KRT6C: variants seen among roughly 807,000 people sequenced by gnomAD.
KRT6C encodes the protein keratin 6C, also known as keratin, type II cytoskeletal 6C.
KRT6C carries 46 observed loss-of-function variants against 49.4 expected under a neutral mutation model. That is an observed-to-expected ratio of 0.93 (90% CI 0.74 to 1.19). The LOEUF (loss-of-function observed/expected upper bound fraction) is 1.19. KRT6C is among the 50% of genes most tolerant of loss of function. The probability of loss-of-function intolerance (pLI) is 0.00; values close to 1 mark genes in which losing one functional copy is unlikely to be tolerated. For missense variants in KRT6C, 552 were observed against 737.5 expected (o/e 0.75, Z 2.91); for synonymous variants, 236 against 297.1 (o/e 0.79, Z 2.12).
Position 52,471,503 on chromosome 12 carries a change from G to A in KRT6C, c.830C>T (p.Ala277Val). ...FVTLKKDVDAAYMNKVELQAK... is the reference protein window; with the variant it reads ...FVTLKKDVDAVYMNKVELQAK... ...TTGCAGTTCAACCTTGTTCATGTAGGCAGCATCCACATCCTGGGGAAAGAG... is the reference window on the plus strand; with the variant it reads ...TTGCAGTTCAACCTTGTTCATGTAGACAGCATCCACATCCTGGGGAAAGAG... Residue 277 changes from alanine (A) to valine (V), a missense_variant, in exon 4 of 9, where the codon GCC (alanine) becomes GTC (valine). Physicochemically the swap from Ala to Val is moderately conservative, Grantham distance 64 (BLOSUM62 0). Coordinates refer to ENST00000252250, the MANE Select transcript of KRT6C (RefSeq NM_173086.5). 7 of 1,613,478 alleles carry A rather than the reference G, an allele frequency of 4.3e-6. 1 individual carries two copies. In the South Asian group the frequency reaches 7.7e-5, roughly 18 times the overall value.
In KRT6C at chr12:52,470,639, C is replaced by G. The variant is rs1170412822; in HGVS notation, c.1078-9G>C. On this transcript the variant is annotated splice_polypyrimidine_tract_variant and intron_variant, in intron 5 of 8. Transcript: ENST00000252250. ...ACCTGCAGCTCCTCGTACTGCAGCC[C>G]AGAGGTGGAGAGAGAGACAGTGTCT... 1.6e-5 allele frequency: 26 copies of G among 1,613,730 alleles called. No individual in the cohort carries two copies. Among genetic ancestry groups the G allele is most frequent in the Non-Finnish European group, 1.8e-5 (21 of 1,179,954 alleles).
intron 6 of KRT6C, 79 bp downstream of exon 6, chr12:52,470,426 A>G (rs1290019699): frequency 1.2e-6 from 2 of 1,611,740 alleles, no homozygotes; most frequent in African/African-American, 2.7e-5. Flanking sequence ...TTCAGGAATT[A>G]TATCAAATAA....
chr12:52,471,920 C>A, intron 2 of KRT6C, 146 bp downstream of exon 2: 2 of 1,115,512 alleles, frequency 1.8e-6, no homozygotes, highest in Admixed American at 4.0e-5. Context: ...CCTCCCATAA[C>A]CATCTGTGGT....
intron 1 of KRT6C, 69 bp downstream of exon 1, chr12:52,473,129 G>A: frequency 7.2e-7 from 1 of 1,385,634 alleles, no homozygotes; most frequent in South Asian, 1.2e-5. Context: ...GGTCTCCCTA[G>A]CAGGAAGGTG....
In KRT6C at chr12:52,471,670, A is replaced by C. The variant is rs772948251; in HGVS notation, c.816+2T>G. 2.5e-6 allele frequency: 4 copies of C among 1,612,524 alleles called. No homozygotes were observed. The highest frequency in any genetic ancestry group is 2.5e-6 in the Non-Finnish European group (3 of 1,179,538). ...TTTGAACCCCCGGCTTCATCTGCTCACCTTCTTCAGAGTCACAAATTCATT... is the reference window on the plus strand; with the variant it reads ...TTTGAACCCCCGGCTTCATCTGCTCCCCTTCTTCAGAGTCACAAATTCATT... On this transcript the variant is annotated splice_donor_variant, in intron 3 of 8. Coordinates refer to ENST00000252250, the MANE Select transcript of KRT6C (RefSeq NM_173086.5). LOFTEE classifies it high-confidence loss of function.
intron 6 of KRT6C, 77 bp downstream of exon 6, chr12:52,470,428 A>G (rs1937854825): frequency 1.2e-6 from 2 of 1,612,336 alleles, no homozygotes; most frequent in African/African-American, 1.3e-5. Flanking sequence ...CAGGAATTAT[A>G]TCAAATAATG....
Position 52,470,517 on chromosome 12 carries a change from A to G in KRT6C, c.1191T>C (p.His397=), listed in dbSNP as rs11540290. 244 of 1,614,038 alleles carry G rather than the reference A, an allele frequency of 1.5e-4. 1 individual carries two copies. Among genetic ancestry groups the G allele is most frequent in the African/African-American group, 3.7e-4 (28 of 74,992 alleles). Reference sequence around the variant, plus strand: ...CACCTCACTGTACCTGCTTCTTGACATGGTCGATCTCAGATCTCAGCCTCT... The same window carrying G: ...CACCTCACTGTACCTGCTTCTTGACGTGGTCGATCTCAGATCTCAGCCTCT... The part of the protein sequence containing the change: ...MIQRLRSEID[H]VKKQCASLQA... Residue 397 remains histidine (H), a synonymous_variant, in exon 6 of 9, where the codon CAT becomes CAC. Transcript: ENST00000252250.
In KRT6C at chr12:52,473,764, C is replaced by T. The variant is rs377008775; in HGVS notation, c.-27G>A. ...GTTCCAGGAGATGAGAGGGCTGTGG[C>T]GAGCGTTGGAGGCTGGAGGCGAGAG... is the stretch of plus-strand genomic sequence containing the variant. On this transcript the variant is annotated 5_prime_UTR_variant, in exon 1 of 9. Coordinates refer to ENST00000252250, the MANE Select transcript of KRT6C (RefSeq NM_173086.5). 179 of 1,614,044 alleles carry T rather than the reference C, an allele frequency of 1.1e-4. 4 individuals are homozygous for T. In the South Asian group the frequency reaches 1.7e-3, roughly 15 times the overall value.
rs1203406741 is a variant in KRT6C, at chr12:52,471,530, C to T, written c.817-14G>A. 1.2e-6 allele frequency: 2 copies of T among 1,613,056 alleles called. No individual in the cohort carries two copies. Among genetic ancestry groups the T allele is most frequent in the East Asian group, 4.5e-5 (2 of 44,830 alleles). On this transcript the variant is annotated splice_polypyrimidine_tract_variant and intron_variant, in intron 3 of 8. Transcript: ENST00000252250. ...AGCATCCACATCCTGGGGAAAGAGC[C>T]AACAACCTGGAGTTACCTGAGCTCA...
In KRT6C at chr12:52,470,907, G is replaced by A. The variant is rs141429773; in HGVS notation, c.1077+225C>T. Among the ~76,000 whole-genome samples the A allele has an allele frequency of 3.6e-3, 553 of 152,246 alleles. 2 individuals carry two copies. The highest frequency in any genetic ancestry group is 0.012 in the African/African-American group (503 of 41,542). ...CAATCAGGGTGAAGATAAATGCAGA[G>A]ATGACTATGTCCTTGTCTATGGCAG... is the stretch of plus-strand genomic sequence containing the variant. On this transcript the variant is annotated intron_variant, in intron 5 of 8. Transcript: ENST00000252250.
chr12:52,469,544 T>A, intron 7 of KRT6C, 99 bp from the exon 8 acceptor site: 1 of 1,612,666 alleles, frequency 6.2e-7, no homozygotes, highest in Admixed American at 1.7e-5. Context: ...CATGGGAAAC[T>A]GCTCTTTTAG....
intron 6 of KRT6C, 183 bp downstream of exon 6, chr12:52,470,322 G>C: frequency 9.2e-7 from 1 of 1,086,684 alleles, no homozygotes; most frequent in South Asian, 1.4e-5. Context: ...TTGTGCCTCA[G>C]AGGCTCATCC....
At chr12:52,469,946 G>T in intron 6 of KRT6C, 56 bp from the exon 7 acceptor site, 1 of 1,600,930 alleles carries the variant, frequency 6.2e-7, no homozygotes, top group Admixed American at 1.7e-5. Flanking sequence ...GAGGAGGCTG[G>T]CCCTTGTTTA....
In KRT6C at chr12:52,469,131, A is replaced by G; in HGVS notation, c.1626T>C (p.Val542=). Residue 542 remains valine, a synonymous_variant, in exon 9 of 9, where the codon GTT becomes GTC. Transcript: ENST00000252250. The part of the protein sequence containing the change: ...GRAIGGGLSS[V]GGGSSTIKYT... ...ACTTGATGGTGGAACTGCCGCCTCC[A>G]ACAGAGCTGAGGCCACCCCCAATGG... 1 of 1,614,062 alleles carries G rather than the reference A, an allele frequency of 6.2e-7. No homozygotes were observed. Among genetic ancestry groups the G allele is most frequent in the Non-Finnish European group, 8.5e-7 (1 of 1,179,922 alleles).
At chr12:52,470,459 T>C (rs756398641) in intron 6 of KRT6C, 46 bp downstream of exon 6, 12 of 1,614,008 alleles carry the variant, frequency 7.4e-6, no homozygotes, top group Non-Finnish European at 1.0e-5. Context: ...GCCTGATGGG[T>C]CTAGCAAAAA....
intron 6 of KRT6C, 142 bp downstream of exon 6, chr12:52,470,363 T>C: frequency 6.8e-7 from 1 of 1,465,676 alleles, no homozygotes. Flanking sequence ...TCTATTGAGT[T>C]CTCACTGAGG....
chr12:52,470,132 A>G, intron 6 of KRT6C: 2 of 626,790 alleles, frequency 3.2e-6, no homozygotes, highest in Non-Finnish European at 5.5e-6. Flanking sequence ...GAGACACTAC[A>G]ATGGACCCAA....
At chr12:52,470,260 A>G in intron 6 of KRT6C, 1 of 629,370 alleles carries the variant, frequency 1.6e-6, no homozygotes, top group South Asian at 1.9e-5. Flanking sequence ...AATTATGACC[A>G]TCTGTAGGGG....
intron 6 of KRT6C, 35 bp downstream of exon 6, chr12:52,470,470 A>C (rs1326166748): frequency 6.2e-7 from 1 of 1,614,128 alleles, no homozygotes; most frequent in Admixed American, 1.7e-5. Flanking sequence ...CTAGCAAAAA[A>C]TGATGCTTCT....
Sources: allele counts gnomAD v4.1 joint callset (sites outside exome capture counted in the v4.1 genomes callset), GRCh38; gene constraint gnomAD v4.1.1; transcripts MANE v1.5; gene names NCBI Gene and HGNC (gene_info 2026-07-23, HGNC 2026-07-21).